Variants in MARCHF1 observed in about 807,000 individuals in gnomAD.
MARCHF1 encodes the protein membrane associated ring-CH-type finger 1, also known as E3 ubiquitin-protein ligase MARCHF1.
In MARCHF1, 40 loss-of-function variants were observed where a neutral mutation model predicts 54.2. The observed-to-expected ratio is 0.74, with a 90% CI of 0.57 to 0.96. MARCHF1 has a LOEUF of 0.96. Ranked by LOEUF, MARCHF1 falls within the 40% of genes least tolerant of loss-of-function variation. The probability of loss-of-function intolerance (pLI) is 0.00; values close to 1 mark genes in which losing one functional copy is unlikely to be tolerated. For synonymous variants in MARCHF1, 236 were observed against 236.3 expected (o/e 1.00, Z 0.01); for missense variants, 586 against 656.5 (o/e 0.89, Z 1.17).
At chr4:164,227,658 G>T (rs1161014150) in intron 1 of MARCHF1, among the ~76,000 whole-genome samples, 5 of 152,072 alleles carry the variant, frequency 3.3e-5, no homozygotes, top group African/African-American at 4.8e-5. Context: ...GACAAGAGGA[G>T]CACTCTCGCA....
chr4:164,197,507 C>T (rs1329396220), intron 1 of MARCHF1: 1 of 1,613,366 alleles, frequency 6.2e-7, no homozygotes, highest in African/African-American at 1.3e-5. Context: ...ACTCTTAGTT[C>T]AAGCTTTCTC....
intron 3 of MARCHF1, among the ~76,000 whole-genome samples, chr4:163,905,155 T>C (rs2111318698): frequency 6.6e-6 from 1 of 152,242 alleles, no homozygotes; most frequent in South Asian, 2.1e-4. Context: ...CAGGTGTTTC[T>C]AACACTACAG....
chr4:163,877,010 T>G (rs143841939), intron 3 of MARCHF1, among the ~76,000 whole-genome samples: 3 of 152,158 alleles, frequency 2.0e-5, no homozygotes, highest in African/African-American at 7.2e-5. Context: ...ATTATTTAAT[T>G]AGTCCTAATT....
At chr4:164,068,948 T>C (rs6536793) in intron 2 of MARCHF1, among the ~76,000 whole-genome samples, 98,885 of 151,018 alleles carry the variant, frequency 0.65, 34,047 homozygotes, top group Non-Finnish European at 0.78. Context: ...TCAGGGTTTG[T>C]GAATGCACCA....
chr4:163,542,543 A>G (rs1445048429), intron 9 of MARCHF1, among the ~76,000 whole-genome samples: 1 of 152,226 alleles, frequency 6.6e-6, no homozygotes, highest in Non-Finnish European at 1.5e-5. Context: ...GCTTTGCAGC[A>G]TTAGGAACAT....
intron 9 of MARCHF1, among the ~76,000 whole-genome samples, chr4:163,536,539 TC>T (rs1191724956): frequency 6.6e-6 from 1 of 152,166 alleles, no homozygotes; most frequent in East Asian, 1.9e-4. Flanking sequence ...CATGCTATAA[TC>T]TTGACGAGCA....
At chr4:164,161,507 C>A (rs1579584836) in intron 1 of MARCHF1, among the ~76,000 whole-genome samples, 1 of 150,994 alleles carries the variant, frequency 6.6e-6, no homozygotes, top group African/African-American at 2.4e-5. Context: ...ATTTTTAAAT[C>A]TTTCCATGTG....
At chr4:164,373,317 T>C (rs1731089515) in intron 1 of MARCHF1, among the ~76,000 whole-genome samples, 1 of 151,572 alleles carries the variant, frequency 6.6e-6, no homozygotes, top group African/African-American at 2.4e-5. Flanking sequence ...GCAGAGAAAC[T>C]GAATCTTCCC....
chr4:164,263,882 T>C (rs766920711), intron 1 of MARCHF1, among the ~76,000 whole-genome samples: 2 of 152,168 alleles, frequency 1.3e-5, no homozygotes, highest in Non-Finnish European at 2.9e-5. Context: ...AGGGAATGCT[T>C]ATACACTGTT....
intron 4 of MARCHF1, among the ~76,000 whole-genome samples, chr4:163,704,312 G>C (rs530603133): frequency 6.6e-6 from 1 of 151,724 alleles, no homozygotes; most frequent in Non-Finnish European, 1.5e-5. Context: ...GTTTTTGCTA[G>C]GGTAATTATA....
chr4:163,774,298 T>C (rs556792755), intron 4 of MARCHF1, among the ~76,000 whole-genome samples: 63 of 152,314 alleles, frequency 4.1e-4, no homozygotes, highest in Admixed American at 2.9e-3. Flanking sequence ...TTCAATCCAC[T>C]GTTGGTAGAC....
chr4:164,318,996 G>T (rs1479088257), intron 1 of MARCHF1, among the ~76,000 whole-genome samples: 1 of 152,088 alleles, frequency 6.6e-6, no homozygotes, highest in Non-Finnish European at 1.5e-5. Context: ...CAGAGTTAAA[G>T]AACCTCTTCA....
intron 1 of MARCHF1, among the ~76,000 whole-genome samples, chr4:164,313,526 A>C (rs7675571): frequency 0.66 from 100,687 of 151,824 alleles, 33,609 homozygotes; most frequent in Admixed American, 0.73. Flanking sequence ...TTTAGAAATA[A>C]AGGAACAAAG....
intron 7 of MARCHF1, among the ~76,000 whole-genome samples, chr4:163,595,099 T>G (rs2110862856): frequency 7.1e-6 from 1 of 140,812 alleles, no homozygotes; most frequent in South Asian, 2.3e-4. Flanking sequence ...AGCCAGCGAG[T>G]GGCTCATGCC....
intron 1 of MARCHF1, chr4:164,197,301 T>C: frequency 6.2e-7 from 1 of 1,611,716 alleles, no homozygotes. Context: ...GATATGTGAG[T>C]TGCAGGAGAA....
intron 2 of MARCHF1, among the ~76,000 whole-genome samples, chr4:164,057,978 T>C (rs957836960): frequency 6.6e-6 from 1 of 152,120 alleles, no homozygotes; most frequent in Non-Finnish European, 1.5e-5. Flanking sequence ...TATGGGGACA[T>C]GGATGAAGCT....
intron 2 of MARCHF1, among the ~76,000 whole-genome samples, chr4:164,059,056 T>C (rs1263656369): frequency 3.3e-5 from 5 of 152,208 alleles, no homozygotes; most frequent in Non-Finnish European, 5.9e-5. Context: ...ATAAGAATTC[T>C]TTGTTGATGT....
At chr4:163,828,658 A>G (rs953622809) in intron 4 of MARCHF1, 1 of 152,200 alleles carries the variant, frequency 6.6e-6, no homozygotes, top group Admixed American at 6.6e-5. Flanking sequence ...CAAAGCCTCA[A>G]AAACAACTTA....
intron 5 of MARCHF1, among the ~76,000 whole-genome samples, chr4:163,666,033 GA>G (rs1743520797): frequency 1.3e-5 from 2 of 152,090 alleles, no homozygotes; most frequent in African/African-American, 4.8e-5. Context: ...GTGGGAAGTT[GA>G]AAATGTCTTC....
Sources: gnomAD v4.1 joint callset for allele counts (sites outside exome capture counted in the v4.1 genomes callset) on GRCh38, gnomAD v4.1.1 for gene constraint, MANE v1.5 for transcripts, NCBI Gene and HGNC (gene_info 2026-07-23, HGNC 2026-07-21) for gene names.